POLN: variants seen among roughly 807,000 people sequenced by gnomAD.
POLN encodes the protein DNA polymerase N.
Under a neutral mutation model 113.5 loss-of-function variants are expected in POLN, and 108 were observed. That is an observed-to-expected ratio of 0.95 (90% CI 0.81 to 1.12). The LOEUF is 1.12. Ranked by LOEUF, POLN falls within the 50% of genes most tolerant of loss-of-function variation. The probability of loss-of-function intolerance (pLI) is 0.00; values close to 1 mark genes in which losing one functional copy is unlikely to be tolerated. For missense variants in POLN, 1,097 were observed against 1,077.1 expected (o/e 1.02, Z -0.26); for synonymous variants, 386 against 391.5 (o/e 0.99, Z 0.17).
intron 23 of POLN, among the ~76,000 whole-genome samples, chr4:2,078,324 A>T (rs1256792015): frequency 1.3e-5 from 2 of 152,164 alleles, no homozygotes; most frequent in African/African-American, 4.8e-5. Flanking sequence ...TCTGAGCCCA[A>T]CCTCTCTGGT....
chr4:2,181,797 G>A (rs1350466630), intron 7 of POLN, among the ~76,000 whole-genome samples: 2 of 152,040 alleles, frequency 1.3e-5, no homozygotes, highest in South Asian at 2.1e-4. Context: ...TCAGGAGATT[G>A]AGCCCATCTT....
Position 2,229,109 on chromosome 4 carries a change from CT to C in POLN, c.122del (p.Lys41ArgfsTer8), listed in dbSNP as rs1310019291. 2.5e-6 allele frequency: 4 copies of C among 1,602,638 alleles called. No individual in the cohort carries two copies. The East Asian group carries it at 6.7e-5, about 27-fold the overall frequency. On this transcript the variant is annotated frameshift_variant, in exon 3 of 26. Coordinates refer to ENST00000511885, the MANE Select transcript of POLN (RefSeq NM_181808.4). LOFTEE classifies it high-confidence loss of function. The part of the protein sequence containing the change: ...GDLVDSKTWG[K>X]STETMEVINK... The stretch of plus-strand genomic sequence containing the variant: ...ATAAAAATTACTTACTCTCTGTACT[CT>C]TTCCCCAAGTCTTAGAATCCACTAA...
At chr4:2,075,758 C>A (rs983580976) in intron 23 of POLN, among the ~76,000 whole-genome samples, 2 of 152,184 alleles carry the variant, frequency 1.3e-5, no homozygotes, top group Non-Finnish European at 2.9e-5. Context: ...CCCACTGTCA[C>A]CAGGACAGCT....
At position 2,214,889 on chromosome 4, in the gene POLN, A is replaced by G. The variant is rs564408902; in HGVS notation, c.134-1763T>C. Among the ~76,000 whole-genome samples the G allele has an allele frequency of 1.1e-3, 168 of 151,392 alleles. 1 individual carries two copies. Among genetic ancestry groups the G allele is most frequent in the Middle Eastern group, 0.01 (3 of 294 alleles). On this transcript the variant is annotated intron_variant, in intron 3 of 25. Coordinates refer to ENST00000511885, the MANE Select transcript of POLN (RefSeq NM_181808.4). ...TATATACACACACACATATACACAT[A>G]CATATACATATATATGTATATACAT...
Position 2,095,933 on chromosome 4 carries a change from C to G in POLN, c.1983G>C (p.Trp661Cys). Residue 661 changes from tryptophan to cysteine, a missense_variant and splice_region_variant, in exon 20 of 26, where the codon TGG becomes TGC. Coordinates refer to ENST00000511885, the MANE Select transcript of POLN (RefSeq NM_181808.4). Reference sequence around the variant, plus strand: ...TCACCTGTTCCACGGGCACATCCTTCCTGCATGGAGAGACCATGTGTGAAG... The same window carrying G: ...TCACCTGTTCCACGGGCACATCCTTGCTGCATGGAGAGACCATGTGTGAAG... ...DDVFSTLTSQ[W>C]KDVPVEQVTH... The G allele has an allele frequency of 6.2e-7, 1 of 1,614,088 alleles. No individual in the cohort carries two copies. The highest frequency in any genetic ancestry group is 8.5e-7 in the Non-Finnish European group (1 of 1,179,986).
intron 3 of POLN, among the ~76,000 whole-genome samples, chr4:2,225,194 A>G (rs1244492214): frequency 6.6e-6 from 1 of 152,174 alleles, no homozygotes; most frequent in African/African-American, 2.4e-5. Flanking sequence ...TGGGTTAACA[A>G]TAAGGGAGAG....
At chr4:2,169,495 T>A (rs368126572) in intron 13 of POLN, among the ~76,000 whole-genome samples, 7 of 152,298 alleles carry the variant, frequency 4.6e-5, no homozygotes, top group East Asian at 3.9e-4. Context: ...TTTCTCAGAA[T>A]GGCCGATGCT....
chr4:2,148,938 C>T (rs1732221124), intron 16 of POLN, among the ~76,000 whole-genome samples: 1 of 152,062 alleles, frequency 6.6e-6, no homozygotes, highest in African/African-American at 2.4e-5. Flanking sequence ...AACCTTTTAA[C>T]TGAGAATTTT....
intron 16 of POLN, among the ~76,000 whole-genome samples, chr4:2,148,421 C>T (rs1732203679): frequency 6.6e-6 from 1 of 152,146 alleles, no homozygotes; most frequent in Non-Finnish European, 1.5e-5. Flanking sequence ...GTAATCCCAG[C>T]ACTTTGGGAG....
chr4:2,200,332 T>C (rs536392545), intron 5 of POLN, among the ~76,000 whole-genome samples: 1 of 152,288 alleles, frequency 6.6e-6, no homozygotes, highest in African/African-American at 2.4e-5. Context: ...CAGGACTAGA[T>C]TGCAGCTCCC....
At chr4:2,158,847 A>G in intron 14 of POLN, among the ~76,000 whole-genome samples, 1 of 152,210 alleles carries the variant, frequency 6.6e-6, no homozygotes, top group South Asian at 2.1e-4. Context: ...CTTTGAGACT[A>G]GGTACTGCTG....
At chr4:2,171,211 AT>A (rs1732852375) in intron 11 of POLN, 30 bp from the exon 12 acceptor site, 2 of 1,563,550 alleles carry the variant, frequency 1.3e-6, no homozygotes, top group Non-Finnish European at 1.8e-6. Context: ...AATTAATTTC[AT>A]TCATAGTTTT....
chr4:2,229,273 C>A, intron 2 of POLN, 30 bp from the exon 3 acceptor site: 3 of 1,504,970 alleles, frequency 2.0e-6, no homozygotes, highest in Non-Finnish European at 2.7e-6. Flanking sequence ...AAGATAAATC[C>A]CATATATTAA....
intron 6 of POLN, among the ~76,000 whole-genome samples, chr4:2,196,508 A>G (rs1478539630): frequency 2.0e-5 from 3 of 152,170 alleles, no homozygotes; most frequent in Non-Finnish European, 2.9e-5. Context: ...AACTAGGGAC[A>G]TGGCCACCCA....
chr4:2,089,409 T>A, intron 20 of POLN: 1 of 1,384,222 alleles, frequency 7.2e-7, no homozygotes, highest in South Asian at 1.4e-5. Flanking sequence ...AACTGACAGA[T>A]GACTGGTTAC....
chr4:2,171,387 TA>T (rs57338564), intron 11 of POLN, among the ~76,000 whole-genome samples: 85,847 of 88,368 alleles, frequency 0.97, 41,778 homozygotes, highest in South Asian at 0.98. Flanking sequence ...ACCCCACCAC[TA>T]AAAAAAAAAA....
At chr4:2,077,036 G>A (rs1577676745) in intron 23 of POLN, 1 of 152,220 alleles carries the variant, frequency 6.6e-6, no homozygotes, top group Non-Finnish European at 1.5e-5. Context: ...AGGGAGGTAA[G>A]GAGTGGGAAG....
rs1006248397 is a variant in POLN, at chr4:2,093,207, G to A, written c.2065+2644C>T. On this transcript the variant is annotated intron_variant, in intron 20 of 25. Coordinates refer to ENST00000511885, the MANE Select transcript of POLN (RefSeq NM_181808.4). The surrounding 1 kb of genome is among the most constrained non-coding windows in gnomAD (Gnocchi z 4.1). ...TCCTGCTGGAGGACAGCTGCCCCACGGCAGGTGCTCGGCACTCTCATTCTC... is the reference window on the plus strand; with the variant it reads ...TCCTGCTGGAGGACAGCTGCCCCACAGCAGGTGCTCGGCACTCTCATTCTC... Among the ~76,000 whole-genome samples the A allele has an allele frequency of 2.6e-5, 4 of 152,112 alleles. No homozygotes were observed. Among genetic ancestry groups the A allele is most frequent in the Non-Finnish European group, 4.4e-5 (3 of 68,022 alleles).
chr4:2,179,327 T>C lies in POLN; in HGVS notation c.1160A>G (p.Asn387Ser). Reference protein sequence around the residue: ...ITVKVNSTYGNSSRNIVNQNV... With the variant: ...ITVKVNSTYGSSSRNIVNQNV... ...ACTCACCACAATATTTCTTGAGGAATTTCCATATGTGCTGTTCACTTTAAC... is the reference window on the plus strand; with the variant it reads ...ACTCACCACAATATTTCTTGAGGAACTTCCATATGTGCTGTTCACTTTAAC... Residue 387 changes from asparagine (N) to serine (S), a missense_variant, in exon 8 of 26, where the codon AAT becomes AGT. Asn to Ser is a conservative substitution (Grantham distance 46). Coordinates refer to ENST00000511885, the MANE Select transcript of POLN (RefSeq NM_181808.4). 1.2e-6 allele frequency: 2 copies of C among 1,612,130 alleles called. No homozygotes were observed. Among genetic ancestry groups the C allele is most frequent in the South Asian group, 2.2e-5 (2 of 90,548 alleles).
Sources: allele counts gnomAD v4.1 joint callset (sites outside exome capture counted in the v4.1 genomes callset), GRCh38; gene constraint gnomAD v4.1.1; non-coding constraint Gnocchi (gnomAD v3.1); transcripts MANE v1.5; gene names NCBI Gene and HGNC (gene_info 2026-07-23, HGNC 2026-07-21).